Variants in SLC5A7 observed in about 807,000 individuals in gnomAD.
The protein encoded by SLC5A7 is solute carrier family 5 member 7.
A neutral mutation model predicts 55.4 loss-of-function variants in SLC5A7; 19 were observed. The observed-to-expected ratio is 0.34, with a 90% CI of 0.24 to 0.50. The LOEUF is 0.50. SLC5A7 is among the 20% of genes least tolerant of loss of function. The pLI is 0.98. For synonymous variants in SLC5A7, 265 were observed against 263.7 expected (o/e 1.00, Z -0.05); for missense variants, 506 against 705.3 (o/e 0.72, Z 3.20).
At position 107,995,462 on chromosome 2, in the gene SLC5A7, A is replaced by AGTGT. The variant is rs1265286737; in HGVS notation, c.448+2336_448+2337insTGTG. 3.3e-3 allele frequency among the ~76,000 whole-genome samples: 423 copies of AGTGT among 127,754 alleles called. 3 individuals are homozygous for AGTGT. Among genetic ancestry groups the AGTGT allele is most frequent in the African/African-American group, 0.011 (398 of 36,500 alleles). The allele number at this position is 127,754 out of a possible 152,430, so 83.8% of individuals were successfully genotyped here. A position where few individuals can be genotyped will look rare whatever the true frequency, so the allele number is the denominator to read the frequency against. On this transcript the variant is annotated intron_variant, in intron 4 of 8. Coordinates refer to ENST00000264047, the MANE Select transcript of SLC5A7 (RefSeq NM_021815.5). The stretch of plus-strand genomic sequence containing the variant: ...CTCTTTGGGAGAGAGAGAGAGAGAG[A>AGTGT]GAGAGAGAGTGTGTGTGTGTGTGTG...
chr2:107,991,202 T>C (rs1193873941), intron 2 of SLC5A7, among the ~76,000 whole-genome samples: 1 of 152,218 alleles, frequency 6.6e-6, no homozygotes, highest in Non-Finnish European at 1.5e-5. Flanking sequence ...ACTCATTTTC[T>C]TTGGTTCTTT....
chr2:108,007,420 GA>G (rs56016714), intron 7 of SLC5A7, among the ~76,000 whole-genome samples: 121,109 of 149,560 alleles, frequency 0.81, 49,164 homozygotes, highest in East Asian at 0.85. Context: ...GTTTGTCTCT[GA>G]AAAAAAAAAA....
At chr2:107,990,610 A>C (rs1241365719) in intron 2 of SLC5A7, among the ~76,000 whole-genome samples, 2 of 152,202 alleles carry the variant, frequency 1.3e-5, no homozygotes. Flanking sequence ...CTGAGGGTAA[A>C]AGCTACAGCA....
At chr2:107,992,350 G>A in intron 3 of SLC5A7, 131 bp downstream of exon 3, 1 of 497,276 alleles carries the variant, frequency 2.0e-6, no homozygotes, top group Non-Finnish European at 3.6e-6. Flanking sequence ...AGATCTTTAA[G>A]GAGTCATTAC....
chr2:107,999,282 C>T (rs1210228311), intron 5 of SLC5A7, among the ~76,000 whole-genome samples: 1 of 152,156 alleles, frequency 6.6e-6, no homozygotes, highest in Admixed American at 6.5e-5. Context: ...AAATAGGGAA[C>T]ATAGAAATAA....
chr2:108,008,769 T>C, intron 8 of SLC5A7, 87 bp downstream of exon 8: 1 of 851,812 alleles, frequency 1.2e-6, no homozygotes, highest in Non-Finnish European at 1.7e-6. Flanking sequence ...CAGTATTATA[T>C]ATTTATTAAT....
At chr2:107,993,229 TA>T in intron 4 of SLC5A7, 102 bp downstream of exon 4, 2 of 1,249,642 alleles carry the variant, frequency 1.6e-6, no homozygotes, top group Non-Finnish European at 2.2e-6. Context: ...ACATTTTTAT[TA>T]AAACCATATG....
chr2:107,990,316 T>G (rs758836816), intron 2 of SLC5A7, among the ~76,000 whole-genome samples: 1 of 152,208 alleles, frequency 6.6e-6, no homozygotes, highest in African/African-American at 2.4e-5. Flanking sequence ...AATTTTCTTT[T>G]TGGACAAGGG....
Position 107,997,835 on chromosome 2 carries a change from C to T in SLC5A7, c.449-3C>T. The T allele has an allele frequency of 6.2e-7, 1 of 1,605,032 alleles. No individual in the cohort carries two copies. Among genetic ancestry groups the T allele is most frequent in the Non-Finnish European group, 8.5e-7 (1 of 1,175,430 alleles). ...GACCACAGAACTCTCTTGTTTGTTT[C>T]AGGAGCCACCATCAGCGTGATCATC... On this transcript the variant is annotated splice_region_variant and splice_polypyrimidine_tract_variant and intron_variant, in intron 4 of 8. Transcript: ENST00000264047.
chr2:107,990,378 A>G (rs1265304358), intron 2 of SLC5A7, among the ~76,000 whole-genome samples: 1 of 152,202 alleles, frequency 6.6e-6, no homozygotes, highest in Admixed American at 6.5e-5. Context: ...TGTGCTTGTA[A>G]GACCATCAGA....
chr2:107,992,256 A>G (rs1362373823), intron 3 of SLC5A7, 37 bp downstream of exon 3: 2 of 1,225,124 alleles, frequency 1.6e-6, no homozygotes, highest in Admixed American at 1.7e-5. Flanking sequence ...CTCACTCAGT[A>G]AAGTATACAG....
In SLC5A7 at chr2:108,001,986, G is replaced by T; in HGVS notation, c.687G>T (p.Leu229=). 7.4e-6 allele frequency: 12 copies of T among 1,614,174 alleles called. No homozygotes were observed. Among genetic ancestry groups the T allele is most frequent in the Non-Finnish European group, 8.5e-6 (10 of 1,180,026 alleles). Residue 229 remains leucine (L), a synonymous_variant, in exon 6 of 9, where the codon CTG becomes CTT. Transcript: ENST00000264047. ...ATGCCAAATACCAAAAGCCGTGGCT[G>T]GGAACTGTTGACTCATCTGAAGTCT... ...AVHAKYQKPW[L]GTVDSSEVYS... is the part of the protein sequence containing the mutation.
chr2:108,007,907 T>G (rs1169942073), intron 7 of SLC5A7, among the ~76,000 whole-genome samples: 1 of 152,192 alleles, frequency 6.6e-6, no homozygotes, highest in East Asian at 1.9e-4. Context: ...TCCTGAAAAT[T>G]TCAGCCACAT....
Position 108,011,847 on chromosome 2 carries a change from A to G in SLC5A7, c.*986A>G, listed in dbSNP as rs941135945. On this transcript the variant is annotated 3_prime_UTR_variant, in exon 9 of 9. Coordinates refer to ENST00000264047, the MANE Select transcript of SLC5A7 (RefSeq NM_021815.5). ...ATTGAATACTTTATGGGAAGCCTCCACAACACCTCCTGATAGTAGTAAAAT... is the reference window on the plus strand; with the variant it reads ...ATTGAATACTTTATGGGAAGCCTCCGCAACACCTCCTGATAGTAGTAAAAT... 6.6e-6 allele frequency: 1 copy of G among 152,256 alleles called. No individual in the cohort carries two copies. The highest frequency in any genetic ancestry group is 2.4e-5 in the African/African-American group (1 of 41,456). The allele number at this position is 152,256 out of a possible 1,614,324, so 9.4% of individuals were successfully genotyped here.
chr2:108,011,592 T>G lies in SLC5A7; in HGVS notation c.*731T>G, dbSNP rs1310910560. 3 of 152,166 alleles carry G rather than the reference T, an allele frequency of 2.0e-5. No homozygotes were observed. Among genetic ancestry groups the G allele is most frequent in the Non-Finnish European group, 4.4e-5 (3 of 68,022 alleles). 9.4% of individuals were successfully genotyped at this position (152,166 alleles called of 1,614,324 possible). A position where few individuals can be genotyped will look rare whatever the true frequency, so the allele number is the denominator to read the frequency against. On this transcript the variant is annotated 3_prime_UTR_variant, in exon 9 of 9. Transcript: ENST00000264047. ...TAAACAACAGTACCTGAAGGATTAT[T>G]AAGCAACCTTAAAGCAATAAGTTCA...
intron 8 of SLC5A7, among the ~76,000 whole-genome samples, chr2:108,009,207 T>G (rs886488239): frequency 6.6e-6 from 1 of 152,150 alleles, no homozygotes; most frequent in African/African-American, 2.4e-5. Context: ...TGATTAAAGC[T>G]TTTCCTCTCT....
chr2:107,993,363 T>A (rs1263139212), intron 4 of SLC5A7, among the ~76,000 whole-genome samples: 1 of 152,212 alleles, frequency 6.6e-6, no homozygotes, highest in Non-Finnish European at 1.5e-5. Context: ...ATTAGACCAA[T>A]AACTATGAAT....
At chr2:107,988,057 G>T (rs1677314595) in intron 1 of SLC5A7, 48 bp from the exon 2 acceptor site, 1 of 1,262,550 alleles carries the variant, frequency 7.9e-7, no homozygotes, top group African/African-American at 1.5e-5. Context: ...CTGCCTACAT[G>T]TGCATAGTGC....
At chr2:108,001,190 G>A (rs890115745) in intron 5 of SLC5A7, among the ~76,000 whole-genome samples, 1 of 150,904 alleles carries the variant, frequency 6.6e-6, no homozygotes, top group Non-Finnish European at 1.5e-5. Context: ...TATCTCAATA[G>A]CTACGTATCT....
Sources: allele counts gnomAD v4.1 joint callset (sites outside exome capture counted in the v4.1 genomes callset), GRCh38; gene constraint gnomAD v4.1.1; transcripts MANE v1.5; gene names NCBI Gene and HGNC (gene_info 2026-07-23, HGNC 2026-07-21).